Variants in GBP6 observed in about 807,000 individuals in gnomAD.
GBP6 encodes guanylate-binding protein 6.
GBP6 carries 54 observed loss-of-function variants against 61.5 expected under a neutral mutation model. The ratio of observed to expected loss-of-function variants is 0.88; its 90% CI spans 0.71 to 1.10. The LOEUF (loss-of-function observed/expected upper bound fraction) is 1.10. Ranked by LOEUF, GBP6 falls within the 50% of genes least tolerant of loss-of-function variation. The pLI is 0.00. For missense variants in GBP6, 748 were observed against 752.8 expected (o/e 0.99, Z 0.07); for synonymous variants, 255 against 273.7 (o/e 0.93, Z 0.67).
intron 6 of GBP6, 37 bp from the exon 7 acceptor site, chr1:89,381,657 T>C: frequency 6.4e-7 from 1 of 1,564,192 alleles, no homozygotes; most frequent in Non-Finnish European, 8.7e-7. Context: ...TGAGCTTTAA[T>C]TTCATATTTA....
At position 89,381,821 on chromosome 1, in the gene GBP6, C is replaced by T; in HGVS notation, c.999C>T (p.Tyr333=). ...NSAAVQRAAD[Y]YSQQMAQRVK... ...CGGCCGTGCAGAGGGCAGCTGACTA[C>T]TACAGCCAGCAGATGGCCCAGCGAG... is the stretch of plus-strand genomic sequence containing the variant. The change falls in exon 7 of 11, where the codon TAC becomes TAT. Residue 333 remains tyrosine (Y), a synonymous_variant. Coordinates refer to ENST00000370456, the MANE Select transcript of GBP6 (RefSeq NM_198460.3). 1 of 1,614,092 alleles carries T rather than the reference C, an allele frequency of 6.2e-7. No individual in the cohort carries two copies. The highest frequency in any genetic ancestry group is 8.5e-7 in the Non-Finnish European group (1 of 1,179,966).
Position 89,368,387 on chromosome 1 carries a change from T to C in GBP6, c.-23-142T>C, listed in dbSNP as rs989941747. 5 of 573,382 alleles carry C rather than the reference T, an allele frequency of 8.7e-6. No homozygotes were observed. In the South Asian group the frequency reaches 1.1e-4, roughly 12 times the overall value. The allele number at this position is 573,382 out of a possible 1,614,324, so 35.5% of individuals were successfully genotyped here. ...TATCATTACAGACTTGGGAGAGTGA[T>C]AAAAGAAGCCTTGTGCAGTCAGCTA... is the stretch of plus-strand genomic sequence containing the variant. On this transcript the variant is annotated intron_variant, in intron 1 of 10. Coordinates refer to ENST00000370456, the MANE Select transcript of GBP6 (RefSeq NM_198460.3).
chr1:89,381,844 G>A lies in GBP6; in HGVS notation c.1022G>A (p.Arg341Gln), dbSNP rs1239638494. The change falls in exon 7 of 11, where the codon CGA becomes CAA. Residue 341 changes from arginine (R) to glutamine (Q), a missense_variant. Arg to Gln is a conservative substitution (Grantham distance 43). Transcript: ENST00000370456. ...ADYYSQQMAQ[R>Q]VKLPTDTLQE... ...TACTACAGCCAGCAGATGGCCCAGC[G>A]AGTGAAGCTCCCCACAGACACGCTC... The A allele has an allele frequency of 8.7e-6, 14 of 1,613,974 alleles. No homozygotes were observed. The highest frequency in any genetic ancestry group is 1.1e-5 in the South Asian group (1 of 91,082).
At chr1:89,384,403 C>T in intron 10 of GBP6, 117 bp downstream of exon 10, 1 of 760,222 alleles carries the variant, frequency 1.3e-6, no homozygotes, top group Non-Finnish European at 2.1e-6. Context: ...TGCTGCTTGG[C>T]AATCACTAAA....
intron 3 of GBP6, among the ~76,000 whole-genome samples, chr1:89,373,612 C>A (rs890816968): frequency 3.9e-5 from 6 of 151,998 alleles, no homozygotes; most frequent in Non-Finnish European, 8.8e-5. Context: ...GGGAATTGAA[C>A]AATGAAAACA....
chr1:89,368,467 T>A (rs1652525407), intron 1 of GBP6, 62 bp from the exon 2 acceptor site: 2 of 1,295,038 alleles, frequency 1.5e-6, no homozygotes, highest in East Asian at 2.3e-5. Flanking sequence ...AGTCCTATGT[T>A]GATGGGTGCT....
chr1:89,382,083 G>C (rs987733772), intron 7 of GBP6, 109 bp downstream of exon 7: 5 of 1,129,690 alleles, frequency 4.4e-6, no homozygotes, highest in Non-Finnish European at 6.3e-6. Flanking sequence ...ATAACTTATT[G>C]TGGATTCTCA....
At chr1:89,378,696 T>C in intron 5 of GBP6, 83 bp downstream of exon 5, 1 of 1,131,060 alleles carries the variant, frequency 8.8e-7, no homozygotes. Context: ...GGGGTTTCAT[T>C]TGTATTTGAG....
chr1:89,374,074 C>A lies in GBP6; in HGVS notation c.319-4029C>A, dbSNP rs551508710. ...TACTTGGCTATCATTCTTCTCTCTC[C>A]TGCTACCATGTGAAGAAGGATGTGT... is the stretch of plus-strand genomic sequence containing the variant. On this transcript the variant is annotated intron_variant, in intron 3 of 10. Coordinates refer to ENST00000370456, the MANE Select transcript of GBP6 (RefSeq NM_198460.3). 1.1e-3 allele frequency among the ~76,000 whole-genome samples: 165 copies of A among 152,158 alleles called. 1 individual carries two copies. Among genetic ancestry groups the A allele is most frequent in the African/African-American group, 3.8e-3 (156 of 41,508 alleles).
At position 89,385,370 on chromosome 1, in the gene GBP6, C is replaced by T. The variant is rs754574609; in HGVS notation, c.1803C>T (p.Ala601=). Residue 601 remains alanine, a synonymous_variant, in exon 11 of 11, where the codon GCC becomes GCT. Coordinates refer to ENST00000370456, the MANE Select transcript of GBP6 (RefSeq NM_198460.3). ...TTGCACGAACCTTGGACAACCTTGC[C>T]GATGAGCTAACTGCAATATTGTCTG... ...PWIARTLDNL[A]DELTAILSAP... The T allele has an allele frequency of 4.9e-5, 79 of 1,613,868 alleles. No individual in the cohort carries two copies. Among genetic ancestry groups the T allele is most frequent in the Middle Eastern group, 1.6e-4 (1 of 6,084 alleles).
intron 3 of GBP6, among the ~76,000 whole-genome samples, chr1:89,375,249 A>C (rs550733121): frequency 7.0e-4 from 106 of 152,250 alleles, no homozygotes; most frequent in African/African-American, 2.4e-3. Flanking sequence ...ACATGTGGCC[A>C]ACAATCATAT....
At position 89,384,092 on chromosome 1, in the gene GBP6, G is replaced by A. The variant is rs778237108; in HGVS notation, c.1469-1G>A. The stretch of plus-strand genomic sequence containing the variant: ...CTCTTTCTAATACCTTCATGGAGCA[G>A]TGGATCGGGCCAAGAAGGAGGCAGC... On this transcript the variant is annotated splice_acceptor_variant, in intron 9 of 10. Coordinates refer to ENST00000370456, the MANE Select transcript of GBP6 (RefSeq NM_198460.3). LOFTEE classifies it high-confidence loss of function. 2.1e-5 allele frequency: 34 copies of A among 1,607,362 alleles called. No homozygotes were observed. The highest frequency in any genetic ancestry group is 2.9e-5 in the Non-Finnish European group (34 of 1,177,560).
chr1:89,381,594 G>A (rs1001847), intron 6 of GBP6, 100 bp from the exon 7 acceptor site: 217,480 of 1,157,956 alleles, frequency 0.19, 22,625 homozygotes, highest in South Asian at 0.33. Flanking sequence ...ATGTGTGCAC[G>A]CGCGTGTATG....
At position 89,368,943 on chromosome 1, in the gene GBP6, T is replaced by A. The variant is rs139208879; in HGVS notation, c.190+202T>A. ...TCCCTCATTCCCATTAAGGAAACTC[T>A]ACATTACTAGTGCCCAGAATCCTAC... is the stretch of plus-strand genomic sequence containing the variant. On this transcript the variant is annotated intron_variant, in intron 2 of 10. Coordinates refer to ENST00000370456, the MANE Select transcript of GBP6 (RefSeq NM_198460.3). 5.4e-3 allele frequency among the ~76,000 whole-genome samples: 816 copies of A among 152,348 alleles called. 7 individuals are homozygous for A. The highest frequency in any genetic ancestry group is 0.018 in the African/African-American group (769 of 41,576).
Position 89,387,686 on chromosome 1 carries a change from A to T in GBP6, c.*2217A>T, listed in dbSNP as rs1437232163. The stretch of plus-strand genomic sequence containing the variant: ...AGTGGCTCACGCCTATAATCTCAGC[A>T]ACTTGGGAGGCCGAAGCAGGCAGAT... On this transcript the variant is annotated 3_prime_UTR_variant, in exon 11 of 11. Transcript: ENST00000370456. 6.6e-6 allele frequency among the ~76,000 whole-genome samples: 1 copy of T among 152,212 alleles called. No individual in the cohort carries two copies. Among genetic ancestry groups the T allele is most frequent in the Non-Finnish European group, 1.5e-5 (1 of 68,032 alleles).
rs971483954 is a variant in GBP6, at chr1:89,386,724, T to C, written c.*1255T>C. 2.6e-5 allele frequency among the ~76,000 whole-genome samples: 4 copies of C among 152,186 alleles called. No homozygotes were observed. The highest frequency in any genetic ancestry group is 2.6e-4 in the Admixed American group (4 of 15,284). On this transcript the variant is annotated 3_prime_UTR_variant, in exon 11 of 11. Coordinates refer to ENST00000370456, the MANE Select transcript of GBP6 (RefSeq NM_198460.3). Reference sequence around the variant, plus strand: ...GTTAGAAGCATAAATTACCAAACATTAAGATTAAGCACTGATAGGAAGGAT... The same window carrying C: ...GTTAGAAGCATAAATTACCAAACATCAAGATTAAGCACTGATAGGAAGGAT...
intron 3 of GBP6, among the ~76,000 whole-genome samples, chr1:89,370,209 C>G (rs1389865761): frequency 6.6e-6 from 1 of 152,168 alleles, no homozygotes. Context: ...AGAGCTGACA[C>G]CTGTGATCCA....
chr1:89,384,477 A>G (rs1026914185), intron 10 of GBP6, among the ~76,000 whole-genome samples, 191 bp downstream of exon 10: 2 of 152,140 alleles, frequency 1.3e-5, no homozygotes, highest in African/African-American at 2.4e-5. Context: ...TATATTCTCT[A>G]TACTTAGATT....
chr1:89,373,925 C>G (rs755484156), intron 3 of GBP6, among the ~76,000 whole-genome samples: 2 of 152,048 alleles, frequency 1.3e-5, no homozygotes, highest in Non-Finnish European at 2.9e-5. Flanking sequence ...CCATAATCCC[C>G]GCATGTCGTG....
Sources: gnomAD v4.1 joint callset for allele counts (sites outside exome capture counted in the v4.1 genomes callset) on GRCh38, gnomAD v4.1.1 for gene constraint, MANE v1.5 for transcripts, NCBI Gene and HGNC (gene_info 2026-07-23, HGNC 2026-07-21) for gene names.